The following SDK1 variants were observed in gnomAD, a reference collection of about 807,000 sequenced individuals.
SDK1 encodes the protein sidekick cell adhesion molecule 1.
A neutral mutation model predicts 245.5 loss-of-function variants in SDK1; 157 were observed. That is an observed-to-expected ratio of 0.64 (90% CI 0.56 to 0.73). The LOEUF is 0.73. Ranked by LOEUF, SDK1 falls within the 30% of genes least tolerant of loss-of-function variation. The pLI is 0.00. For synonymous variants in SDK1, 1,647 were observed against 1,278.5 expected, an observed-to-expected ratio of 1.29 and a Z score of -6.15; for missense variants, 3,583 against 3,002.3, an observed-to-expected ratio of 1.19 and a Z score of -4.52.
chr7:3,580,726 T>G (rs1267247950), intron 1 of SDK1, among the ~76,000 whole-genome samples: 2 of 152,046 alleles, frequency 1.3e-5, no homozygotes, highest in Non-Finnish European at 1.5e-5. Context: ...CCCAGCATTT[T>G]GGGAGACTGA....
chr7:3,512,426 C>T (rs1237133810), intron 1 of SDK1, among the ~76,000 whole-genome samples: 3 of 152,172 alleles, frequency 2.0e-5, no homozygotes, highest in African/African-American at 7.2e-5. Context: ...GCATAAACAT[C>T]TGTGTGCAGG....
At chr7:3,405,525 C>G (rs116863178) in intron 1 of SDK1, among the ~76,000 whole-genome samples, 2,604 of 152,284 alleles carry the variant, frequency 0.017, 47 homozygotes, top group Middle Eastern at 0.041. Flanking sequence ...AAATCTCTGC[C>G]TGTCTTTAGT....
At chr7:3,809,995 G>A (rs1457670527) in intron 4 of SDK1, among the ~76,000 whole-genome samples, 2 of 152,318 alleles carry the variant, frequency 1.3e-5, no homozygotes, top group East Asian at 3.9e-4. Flanking sequence ...GTCCTCCCAG[G>A]AATATTCTTG....
chr7:3,796,567 T>C (rs1778966489), intron 4 of SDK1, among the ~76,000 whole-genome samples: 1 of 152,132 alleles, frequency 6.6e-6, no homozygotes, highest in South Asian at 2.1e-4. Context: ...CTGGCTCCAC[T>C]TTCAGTACAT....
chr7:3,586,091 G>T (rs1780678743), intron 1 of SDK1, among the ~76,000 whole-genome samples: 1 of 152,108 alleles, frequency 6.6e-6, no homozygotes, highest in Admixed American at 6.5e-5. Flanking sequence ...TGGCCCAGGA[G>T]AGAAGCAGGG....
At chr7:4,001,573 A>C (rs1785075982) in intron 14 of SDK1, among the ~76,000 whole-genome samples, 1 of 152,142 alleles carries the variant, frequency 6.6e-6, no homozygotes, top group Admixed American at 6.5e-5. Context: ...TGTATTTCTA[A>C]ATGTCTCAGC....
chr7:3,491,776 C>G (rs1004391393), intron 1 of SDK1, among the ~76,000 whole-genome samples: 2 of 152,284 alleles, frequency 1.3e-5, no homozygotes, highest in East Asian at 1.9e-4. Context: ...ATACAAATTT[C>G]GTTGGCAAGA....
intron 10 of SDK1, 109 bp from the exon 11 acceptor site, chr7:3,969,148 G>A (rs1235516101): frequency 1.0e-6 from 1 of 991,036 alleles, no homozygotes; most frequent in Admixed American, 2.7e-5. Flanking sequence ...CGAGACTTGG[G>A]TGGGGACACG....
chr7:3,988,671 C>T (rs1176055611), intron 14 of SDK1, among the ~76,000 whole-genome samples: 2 of 152,184 alleles, frequency 1.3e-5, no homozygotes, highest in Non-Finnish European at 2.9e-5. Context: ...ATGTTCCTTC[C>T]CCTGGAAACC....
chr7:4,079,666 A>T, intron 22 of SDK1, 82 bp downstream of exon 22: 1 of 1,573,298 alleles, frequency 6.4e-7, no homozygotes, highest in South Asian at 1.2e-5. Context: ...CCTGCAGATG[A>T]TGGCTTGGGG....
At chr7:3,890,425 A>G (rs1781432077) in intron 5 of SDK1, among the ~76,000 whole-genome samples, 1 of 152,248 alleles carries the variant, frequency 6.6e-6, no homozygotes, top group Non-Finnish European at 1.5e-5. Context: ...GTGTTGGGTG[A>G]GATAAACAAC....
intron 1 of SDK1, among the ~76,000 whole-genome samples, chr7:3,482,560 G>A (rs890402221): frequency 1.6e-4 from 24 of 152,338 alleles, no homozygotes; most frequent in African/African-American, 5.1e-4. Flanking sequence ...ACTCACTGGA[G>A]TAGCAAGGAA....
At chr7:3,779,488 C>T (rs1387934975) in intron 4 of SDK1, among the ~76,000 whole-genome samples, 1 of 151,550 alleles carries the variant, frequency 6.6e-6, no homozygotes, top group Non-Finnish European at 1.5e-5. Context: ...CAAATTTAAC[C>T]AAATCTGACC....
chr7:3,510,142 C>T (rs1370185460), intron 1 of SDK1, among the ~76,000 whole-genome samples: 1 of 152,160 alleles, frequency 6.6e-6, no homozygotes, highest in East Asian at 1.9e-4. Context: ...CAGTGTGTTC[C>T]CAGTGCCTGG....
At chr7:3,747,256 A>G (rs917187112) in intron 4 of SDK1, among the ~76,000 whole-genome samples, 1 of 152,262 alleles carries the variant, frequency 6.6e-6, no homozygotes, top group Non-Finnish European at 1.5e-5. Context: ...AATGTATTTT[A>G]TACCATAACC....
At chr7:3,491,969 T>G (rs901422846) in intron 1 of SDK1, among the ~76,000 whole-genome samples, 3 of 152,208 alleles carry the variant, frequency 2.0e-5, no homozygotes, top group Non-Finnish European at 2.9e-5. Context: ...AAAACATCAT[T>G]TAAAATCGTC....
At position 4,153,276 on chromosome 7, in the gene SDK1, A is replaced by T. The variant is rs978701970; in HGVS notation, c.4625+3813A>T. Among the ~76,000 whole-genome samples the T allele has an allele frequency of 4.0e-5, 6 of 150,680 alleles. No homozygotes were observed. The East Asian group carries it at 5.8e-4, about 15-fold the overall frequency. On this transcript the variant is annotated intron_variant, in intron 30 of 44. Coordinates refer to ENST00000404826, the MANE Select transcript of SDK1 (RefSeq NM_152744.4). ...CTTTTTCCGTATAATGTAATTTTTT[A>T]AAAATATCATTATTTAAGGATCAGA... is the stretch of plus-strand genomic sequence containing the variant.
chr7:3,662,400 T>A (rs1027312271), intron 4 of SDK1, among the ~76,000 whole-genome samples: 13 of 152,258 alleles, frequency 8.5e-5, no homozygotes, highest in African/African-American at 2.9e-4. Context: ...CTTTGCCTAG[T>A]CCCCTGTCCT....
chr7:4,167,883 G>A (rs1440716409), intron 32 of SDK1, among the ~76,000 whole-genome samples: 1 of 152,224 alleles, frequency 6.6e-6, no homozygotes, highest in East Asian at 1.9e-4. Context: ...GTCAGCCCAA[G>A]CTTGTACTGC....
Sources: allele counts gnomAD v4.1 joint callset (sites outside exome capture counted in the v4.1 genomes callset), GRCh38; gene constraint gnomAD v4.1.1; transcripts MANE v1.5; gene names NCBI Gene and HGNC (gene_info 2026-07-23, HGNC 2026-07-21).